PHIP: variants seen among roughly 807,000 people sequenced by gnomAD.
PHIP encodes PHIP subunit of CUL4-Ring ligase complex.
A neutral mutation model predicts 236.8 loss-of-function variants in PHIP; 54 were observed. That is an observed-to-expected ratio of 0.23 (90% CI 0.18 to 0.29). The LOEUF is 0.29. PHIP is among the 10% of genes least tolerant of loss of function. The pLI is 1.00. For synonymous variants in PHIP, 756 were observed against 718.9 expected (o/e 1.05, Z -0.83); for missense variants, 1,370 against 2,190.8 (o/e 0.63, Z 7.48).
At chr6:79,030,307 CATG>C (rs1301380575) in intron 7 of PHIP, among the ~76,000 whole-genome samples, 1 of 152,148 alleles carries the variant, frequency 6.6e-6, no homozygotes, top group African/African-American at 2.4e-5. Context: ...ATTTAAATAG[CATG>C]ATGTTAGAAA....
chr6:79,076,201 G>A (rs1159211289), intron 4 of PHIP, among the ~76,000 whole-genome samples: 3 of 152,032 alleles, frequency 2.0e-5, no homozygotes, highest in Non-Finnish European at 2.9e-5. Flanking sequence ...CAAAAGTTAG[G>A]AAATACACTA....
At chr6:79,007,302 A>G (rs931494836) in intron 15 of PHIP, among the ~76,000 whole-genome samples, 1 of 152,136 alleles carries the variant, frequency 6.6e-6, no homozygotes, top group African/African-American at 2.4e-5. Context: ...TCGAAGACCC[A>G]AGACATCTCT....
chr6:78,945,747 G>A, intron 38 of PHIP: 1 of 601,528 alleles, frequency 1.7e-6, no homozygotes, highest in Non-Finnish European at 2.9e-6. Context: ...TTGCTAGCTA[G>A]TGTGGGTACT....
At position 79,067,525 on chromosome 6, in the gene PHIP, A is replaced by G. The variant is rs139109212; in HGVS notation, c.190-6707T>C. Reference sequence around the variant, plus strand: ...AACATTTGTAACCATCATATGGTAAATATTTGAGGCTTTAAGAATAATATA... The same window carrying G: ...AACATTTGTAACCATCATATGGTAAGTATTTGAGGCTTTAAGAATAATATA... On this transcript the variant is annotated intron_variant, in intron 4 of 39. Transcript: ENST00000275034. 6.4e-4 allele frequency among the ~76,000 whole-genome samples: 97 copies of G among 152,352 alleles called. 1 individual carries two copies. In the South Asian group the frequency reaches 8.1e-3, roughly 13 times the overall value.
intron 4 of PHIP, among the ~76,000 whole-genome samples, chr6:79,076,109 A>G (rs191766389): frequency 1.4e-4 from 21 of 152,368 alleles, no homozygotes; most frequent in Non-Finnish European, 2.6e-4. Context: ...CATTAGATGT[A>G]TTAAACCTCA....
At chr6:78,996,168 A>T (rs868315423) in intron 19 of PHIP, among the ~76,000 whole-genome samples, 6 of 152,194 alleles carry the variant, frequency 3.9e-5, no homozygotes, top group Admixed American at 1.3e-4. Flanking sequence ...GCTCTGGAAG[A>T]AAAACCCAGC....
rs530711488 is a variant in PHIP, at chr6:79,052,428, G to A, written c.439+8050C>T. 2.6e-4 allele frequency among the ~76,000 whole-genome samples: 40 copies of A among 152,158 alleles called. No individual in the cohort carries two copies. In the South Asian group the frequency reaches 2.7e-3, roughly 10 times the overall value. ...GAAGAGACTGAGAAGGTAGGGGAGC[G>A]GACTATATAGAGTGCTTTCTAAGCT... On this transcript the variant is annotated intron_variant, in intron 6 of 39. Transcript: ENST00000275034.
intron 9 of PHIP, among the ~76,000 whole-genome samples, chr6:79,022,803 C>A (rs571303444): frequency 6.6e-6 from 1 of 152,276 alleles, no homozygotes; most frequent in East Asian, 1.9e-4. Flanking sequence ...TACACACATA[C>A]AAGTGAATTT....
intron 15 of PHIP, among the ~76,000 whole-genome samples, chr6:79,005,482 A>G (rs892546312): frequency 6.6e-6 from 1 of 151,980 alleles, no homozygotes. Flanking sequence ...AAGCAACCAC[A>G]TGAACAAAGT....
In PHIP at chr6:79,078,031, G is replaced by T. The variant is rs753483299; in HGVS notation, c.38C>A (p.Ser13Ter). Residue 13 changes from serine to a stop codon, truncating the protein, a stop_gained and splice_region_variant, in exon 1 of 40, where the codon TCG becomes TAG. Coordinates refer to ENST00000275034, the MANE Select transcript of PHIP (RefSeq NM_017934.7). LOFTEE classifies it high-confidence loss of function. ...GCCCCGGCAGCCCCCCGACTTACCC[G>T]ATCGCAGCTCCGAGAGGCCTTTCCT... is the stretch of plus-strand genomic sequence containing the variant. ...CERKGLSELR[S>*]ELYFLIARFL... 2 of 1,606,100 alleles carry T rather than the reference G, an allele frequency of 1.2e-6. No individual in the cohort carries two copies. Among genetic ancestry groups the T allele is most frequent in the Non-Finnish European group, 1.7e-6 (2 of 1,177,488 alleles).
chr6:78,968,217 C>G (rs549716264), intron 27 of PHIP, among the ~76,000 whole-genome samples: 1 of 152,216 alleles, frequency 6.6e-6, no homozygotes, highest in East Asian at 1.9e-4. Context: ...AGGCTGATAG[C>G]CAAAACCAAG....
At chr6:79,032,511 C>T (rs1771725342) in intron 7 of PHIP, among the ~76,000 whole-genome samples, 1 of 152,170 alleles carries the variant, frequency 6.6e-6, no homozygotes. Flanking sequence ...AGAGTAAATT[C>T]CATCTCAAGA....
intron 21 of PHIP, among the ~76,000 whole-genome samples, chr6:78,986,185 A>G (rs1768857718): frequency 6.6e-6 from 1 of 152,234 alleles, no homozygotes; most frequent in Non-Finnish European, 1.5e-5. Flanking sequence ...CATATAAAAA[A>G]GGATGTTCCA....
chr6:79,024,730 G>A (rs560674909), intron 9 of PHIP, among the ~76,000 whole-genome samples: 12 of 152,224 alleles, frequency 7.9e-5, no homozygotes, highest in South Asian at 2.1e-4. Flanking sequence ...GTGTGAACCC[G>A]GGAGGCAGAG....
At chr6:79,032,929 C>T (rs896198859) in intron 7 of PHIP, among the ~76,000 whole-genome samples, 2 of 152,056 alleles carry the variant, frequency 1.3e-5, no homozygotes, top group African/African-American at 4.8e-5. Context: ...AGAATTACTC[C>T]TTGATCCACA....
chr6:79,075,060 C>T (rs1774080768), intron 4 of PHIP, among the ~76,000 whole-genome samples: 1 of 152,038 alleles, frequency 6.6e-6, no homozygotes, highest in African/African-American at 2.4e-5. Flanking sequence ...ATAAATTCAA[C>T]TCGATATACA....
intron 7 of PHIP, among the ~76,000 whole-genome samples, chr6:79,036,422 T>C (rs1771935651): frequency 6.6e-6 from 1 of 152,198 alleles, no homozygotes; most frequent in South Asian, 2.1e-4. Flanking sequence ...CTCTTTTCCA[T>C]TATTATCAAA....
chr6:79,033,877 TG>T (rs1771790466), intron 7 of PHIP, among the ~76,000 whole-genome samples: 3 of 152,182 alleles, frequency 2.0e-5, no homozygotes, highest in African/African-American at 7.2e-5. Flanking sequence ...TCCTCTCACT[TG>T]AACACTAAGA....
intron 9 of PHIP, among the ~76,000 whole-genome samples, chr6:79,022,499 T>C (rs1771168424): frequency 6.6e-6 from 1 of 152,142 alleles, no homozygotes; most frequent in South Asian, 2.1e-4. Context: ...TTTTCCCTTA[T>C]CTGCCCCAGA....
Sources: gnomAD v4.1 joint callset for allele counts (sites outside exome capture counted in the v4.1 genomes callset) on GRCh38, gnomAD v4.1.1 for gene constraint, MANE v1.5 for transcripts, NCBI Gene and HGNC (gene_info 2026-07-23, HGNC 2026-07-21) for gene names.